KCNH4: variants seen among roughly 807,000 people sequenced by gnomAD.
The protein encoded by KCNH4 is potassium voltage-gated channel subfamily H member 4.
In KCNH4, 33 loss-of-function variants were observed where a neutral mutation model predicts 90.7. The observed-to-expected ratio is 0.36, with a 90% CI of 0.28 to 0.49. The LOEUF is 0.49. Among genes scored for constraint, KCNH4 ranks in the 20% least tolerant of loss-of-function variants. The pLI is 0.98. For synonymous variants in KCNH4, 551 were observed against 581.7 expected (o/e 0.95, Z 0.76); for missense variants, 1,044 against 1,387.1 (o/e 0.75, Z 3.93).
intron 16 of KCNH4, among the ~76,000 whole-genome samples, chr17:42,158,857 T>TA (rs991022705): frequency 1.5e-4 from 22 of 149,628 alleles, no homozygotes; most frequent in East Asian, 1.2e-3. Flanking sequence ...TATATATATA[T>TA]TTTTTTTATA....
intron 16 of KCNH4, among the ~76,000 whole-genome samples, chr17:42,158,435 G>A (rs1300830449): frequency 6.6e-6 from 1 of 151,238 alleles, no homozygotes; most frequent in Non-Finnish European, 1.5e-5. Flanking sequence ...GGAGGCTGAG[G>A]CAGGAGAATG....
rs2079760007 is a variant in KCNH4 at position 42,163,113 on chromosome 17, CTG to C, written c.2584+113_2584+114del. 1 of 749,190 alleles carries C rather than the reference CTG, an allele frequency of 1.3e-6. No individual in the cohort carries two copies. The highest frequency in any genetic ancestry group is 1.5e-5 in the South Asian group (1 of 65,196). 46.4% of individuals were successfully genotyped at this position (749,190 alleles called of 1,614,324 possible). A position where few individuals can be genotyped will look rare whatever the true frequency, so the allele number is the denominator to read the frequency against. On this transcript the variant is annotated intron_variant, in intron 14 of 16. Transcript: ENST00000264661. The surrounding 1 kb of genome is among the most constrained non-coding windows in gnomAD (Gnocchi z 5.4). ...AGAGCGTGGGCCAGGTCTGTTTTATCTGTGTATTCCCAGGATGGCACCTGGCA... is the reference window on the plus strand; with the variant it reads ...AGAGCGTGGGCCAGGTCTGTTTTATCTGTATTCCCAGGATGGCACCTGGCA...
At chr17:42,164,256 G>T (rs2079770881) in intron 11 of KCNH4, 88 bp from the exon 12 acceptor site, 4 of 1,225,398 alleles carry the variant, frequency 3.3e-6, no homozygotes, top group East Asian at 5.4e-5. Context: ...CAGTGTTATG[G>T]GGTTGAGAAT....
At position 42,171,211 on chromosome 17, in the gene KCNH4, C is replaced by T. The variant is rs112654533; in HGVS notation, c.1195+577G>A. ...ATCAGTAGGGAGGCTATTGCACAGG[C>T]CTGGGTGAGAAAGGGAGGTGGAGTG... is the stretch of plus-strand genomic sequence containing the variant. On this transcript the variant is annotated intron_variant, in intron 7 of 16. Coordinates refer to ENST00000264661, the MANE Select transcript of KCNH4 (RefSeq NM_012285.3). Among the ~76,000 whole-genome samples, 1,044 of 151,796 alleles carry T rather than the reference C, an allele frequency of 6.9e-3. 11 individuals carry two copies. Among genetic ancestry groups the T allele is most frequent in the African/African-American group, 0.018 (741 of 41,344 alleles).
intron 5 of KCNH4, 124 bp from the exon 6 acceptor site, chr17:42,175,860 G>T: frequency 1.5e-6 from 2 of 1,329,344 alleles, no homozygotes; most frequent in Non-Finnish European, 2.1e-6. Flanking sequence ...TGGGCTTCTG[G>T]CTGGTCCTTA....
At position 42,178,159 on chromosome 17, in the gene KCNH4, G is replaced by A; in HGVS notation, c.526C>T (p.Leu176=). ...CCAAAGTGGCCGGTCAGTCGGTGTA[G>A]GACAGTACGGCTCCGTCTTCTGGCA... ...RSARRRSRTV[L]HRLTGHFGRR... is the part of the protein sequence containing the mutation. The change falls in exon 4 of 17, where the codon CTA becomes TTA. Residue 176 remains leucine, a synonymous_variant. Coordinates refer to ENST00000264661, the MANE Select transcript of KCNH4 (RefSeq NM_012285.3). The A allele has an allele frequency of 6.2e-7, 1 of 1,614,222 alleles. No individual in the cohort carries two copies. Among genetic ancestry groups the A allele is most frequent in the Non-Finnish European group, 8.5e-7 (1 of 1,180,046 alleles).
At chr17:42,162,367 T>G (rs745577089) in intron 14 of KCNH4, 46 bp from the exon 15 acceptor site, 2 of 1,539,488 alleles carry the variant, frequency 1.3e-6, no homozygotes, top group Admixed American at 1.7e-5. Context: ...CATTAATACC[T>G]GAGCCTATAA....
rs1248049813 is a variant in KCNH4 at position 42,166,498 on chromosome 17, G to A, written c.1639C>T (p.Leu547=). ...DELRADIAMH[L]NREILQLPLF... is the part of the protein sequence containing the mutation. Reference sequence around the variant, plus strand: ...GGCAGCTGCAGGATCTCCCGATTCAGGTGCATAGCAATGTCAGCTCTCAGC... The same window carrying A: ...GGCAGCTGCAGGATCTCCCGATTCAAGTGCATAGCAATGTCAGCTCTCAGC... Residue 547 remains leucine, a synonymous_variant, in exon 10 of 17, where the codon CTG becomes TTG. Coordinates refer to ENST00000264661, the MANE Select transcript of KCNH4 (RefSeq NM_012285.3). 13 of 1,613,982 alleles carry A rather than the reference G, an allele frequency of 8.1e-6. No homozygotes were observed. The highest frequency in any genetic ancestry group is 1.1e-5 in the South Asian group (1 of 91,080).
Position 42,178,221 on chromosome 17 carries a change from G to A in KCNH4, c.464C>T (p.Ser155Phe). The A allele has an allele frequency of 6.2e-7, 1 of 1,614,234 alleles. No individual in the cohort carries two copies. Residue 155 changes from serine to phenylalanine, a missense_variant, in exon 4 of 17, where the codon TCC becomes TTC. By Grantham distance (155) the Ser-to-Phe change is radical (BLOSUM62 -2). Coordinates refer to ENST00000264661, the MANE Select transcript of KCNH4 (RefSeq NM_012285.3). ...CCAGGTGGCTCCCCTTCTACCAAGG[G>A]AGTTTTCTGTTGGGAAGAAAGGTGC... ...GGRGDSNHEN[S>F]LGRRGATWKF... is the part of the protein sequence containing the mutation.
At chr17:42,179,123 A>G (rs2079884665) in intron 1 of KCNH4, 97 bp from the exon 2 acceptor site, 5 of 795,814 alleles carry the variant, frequency 6.3e-6, no homozygotes, top group Non-Finnish European at 1.0e-5. Flanking sequence ...GAAGTCACAG[A>G]GCCAGAAGCT....
chr17:42,176,441 A>G, intron 4 of KCNH4, 144 bp from the exon 5 acceptor site: 2 of 646,486 alleles, frequency 3.1e-6, no homozygotes, highest in Non-Finnish European at 5.2e-6. Flanking sequence ...ATAGAAGGCC[A>G]GGAGAGGGGC....
At chr17:42,164,014 T>TAGGAA (rs2079768701) in intron 12 of KCNH4, 56 bp from the exon 13 acceptor site, 1 of 1,496,652 alleles carries the variant, frequency 6.7e-7, no homozygotes, top group Admixed American at 2.2e-5. Flanking sequence ...GACCCCTTCA[T>TAGGAA]TAAGTAAGAG....
At chr17:42,169,387 AT>A in intron 9 of KCNH4, 89 bp downstream of exon 9, 1 of 1,275,910 alleles carries the variant, frequency 7.8e-7, no homozygotes. Flanking sequence ...GCCTGCCTCC[AT>A]TTTAAGCTAC....
chr17:42,171,022 G>A (rs2079823426), intron 7 of KCNH4, among the ~76,000 whole-genome samples: 1 of 152,170 alleles, frequency 6.6e-6, no homozygotes, highest in South Asian at 2.1e-4. Flanking sequence ...AGGGGCACAG[G>A]GCCGCCCAGG....
chr17:42,161,177 C>T (rs1456329627), intron 15 of KCNH4, among the ~76,000 whole-genome samples: 1 of 152,158 alleles, frequency 6.6e-6, no homozygotes, highest in East Asian at 1.9e-4. Context: ...ATCCACCCAC[C>T]TTAGCCTCCC....
In KCNH4 at chr17:42,170,149, C is replaced by T. The variant is rs1387468092; in HGVS notation, c.1348G>A (p.Asp450Asn). 5.0e-6 allele frequency: 8 copies of T among 1,613,016 alleles called. No individual in the cohort carries two copies. The highest frequency in any genetic ancestry group is 2.2e-5 in the East Asian group (1 of 44,876). Residue 450 changes from aspartate to asparagine, a missense_variant, in exon 8 of 17, where the codon GAC (aspartate) becomes AAC (asparagine). By Grantham distance (23) the Asp-to-Asn change is conservative (BLOSUM62 1). This residue lies in a region of KCNH4 where 318 missense variants were observed against 479.6 expected (regional missense o/e 0.66). Transcript: ENST00000264661. Reference protein sequence around the residue: ...VGFGNVCANTDAEKIFSICTM... With the variant: ...VGFGNVCANTNAEKIFSICTM... ...CAGATGGAGAAGATCTTCTCCGCGT[C>T]GGTGTTGGCACACACGTTGCCAAAG... is the stretch of plus-strand genomic sequence containing the variant.
At chr17:42,164,103 C>A in intron 12 of KCNH4, 27 bp downstream of exon 12, 1 of 1,549,376 alleles carries the variant, frequency 6.5e-7, no homozygotes, top group Non-Finnish European at 8.7e-7. Flanking sequence ...CAGGGCAATT[C>A]AACCCCACCC....
Position 42,167,088 on chromosome 17 carries a change from G to A in KCNH4, c.1591-542C>T, listed in dbSNP as rs933611944. Among the ~76,000 whole-genome samples, 16 of 152,086 alleles carry A rather than the reference G, an allele frequency of 1.1e-4. 1 individual carries two copies. The highest frequency in any genetic ancestry group is 2.9e-5 in the Non-Finnish European group (2 of 68,010). Reference sequence around the variant, plus strand: ...CCCCTTGGTCCCCCTGGGCTCCTGTGAAGGGTTCCCTCCTGGTTCCTCCCA... The same window carrying A: ...CCCCTTGGTCCCCCTGGGCTCCTGTAAAGGGTTCCCTCCTGGTTCCTCCCA... On this transcript the variant is annotated intron_variant, in intron 9 of 16. Transcript: ENST00000264661.
chr17:42,162,362 A>G, intron 14 of KCNH4, 41 bp from the exon 15 acceptor site: 3 of 1,557,314 alleles, frequency 1.9e-6, no homozygotes, highest in Non-Finnish European at 2.7e-6. Flanking sequence ...TGGAGCATTA[A>G]TACCTGAGCC....
Sources: gnomAD v4.1 joint callset for allele counts (sites outside exome capture counted in the v4.1 genomes callset) on GRCh38, gnomAD v4.1.1 for gene constraint, gnomAD v4.1.1 regional missense constraint, Gnocchi (gnomAD v3.1) non-coding constraint, MANE v1.5 for transcripts, NCBI Gene and HGNC (gene_info 2026-07-23, HGNC 2026-07-21) for gene names.